MTFR1: variants seen among roughly 807,000 people sequenced by gnomAD.
MTFR1 encodes chondrocyte protein with a poly-proline region.
Under a neutral mutation model 38.8 loss-of-function variants are expected in MTFR1, and 28 were observed. The observed-to-expected ratio is 0.72, with a 90% confidence interval of 0.53 to 0.99. The LOEUF is 0.99. Ranked by LOEUF, MTFR1 falls within the 50% of genes least tolerant of loss-of-function variation. MTFR1 has a pLI of 0.00. For synonymous variants in MTFR1, 145 were observed against 137.0 expected (o/e 1.06, Z -0.41); for missense variants, 358 against 395.5 (o/e 0.91, Z 0.81).
chr8:65,666,863 TC>T (rs922725960), intron 1 of MTFR1, among the ~76,000 whole-genome samples: 2 of 152,164 alleles, frequency 1.3e-5, no homozygotes, highest in East Asian at 1.9e-4. Flanking sequence ...TCTTTTACAC[TC>T]CCTGGCACCA....
intron 3 of MTFR1, among the ~76,000 whole-genome samples, chr8:65,757,786 CTT>C (rs909314506): frequency 1.1e-4 from 17 of 151,942 alleles, no homozygotes; most frequent in Non-Finnish European, 2.4e-4. Flanking sequence ...GCCCGGCTAA[CTT>C]TTGCATTTTT....
chr8:65,688,175 T>C (rs939481448), intron 3 of MTFR1, among the ~76,000 whole-genome samples: 1 of 144,962 alleles, frequency 6.9e-6, no homozygotes, highest in East Asian at 2.1e-4. Flanking sequence ...CTGAGGCAGG[T>C]GGATTACTTG....
chr8:65,773,216 C>A (rs1464223053), downstream of MTFR1, among the ~76,000 whole-genome samples: 1 of 152,014 alleles, frequency 6.6e-6, no homozygotes, highest in East Asian at 1.9e-4. Context: ...AAAAGAATTC[C>A]AAGCTGTGTG....
downstream of MTFR1, among the ~76,000 whole-genome samples, chr8:65,771,807 G>C (rs1809098047): frequency 1.3e-5 from 2 of 149,944 alleles, no homozygotes; most frequent in Admixed American, 1.3e-4. Context: ...CCTGGAAGGT[G>C]GAGGCTGCAG....
chr8:65,778,530 T>A, the MTFR1 span, among the ~76,000 whole-genome samples: 1 of 152,190 alleles, frequency 6.6e-6, no homozygotes, highest in Non-Finnish European at 1.5e-5. Flanking sequence ...CCAAACTTGA[T>A]ATATACCCTG....
chr8:65,726,460 C>T (rs1319445138), intron 3 of MTFR1, among the ~76,000 whole-genome samples: 2 of 152,108 alleles, frequency 1.3e-5, no homozygotes, highest in Non-Finnish European at 2.9e-5. Context: ...GTTTTGAAAA[C>T]TTCTGGGAAC....
intron 3 of MTFR1, chr8:65,724,730 TC>T: frequency 4.0e-6 from 6 of 1,484,842 alleles, no homozygotes; most frequent in Non-Finnish European, 5.5e-6. Context: ...AGTTTGACAG[TC>T]ACATAATTTA....
rs11342419 is a variant in MTFR1, at chr8:65,765,488, C to CAAAAAAAAAA, written c.*49-5436_*49-5427dup. The CAAAAAAAAAA allele has an allele frequency of 6.7e-4, 30 of 44,614 alleles. 1 individual carries two copies. Among genetic ancestry groups the CAAAAAAAAAA allele is most frequent in the Non-Finnish European group, 8.7e-4 (23 of 26,422 alleles). The allele number at this position is 44,614 out of a possible 1,614,324, so 2.8% of individuals were successfully genotyped here. A position where few individuals can be genotyped will look rare whatever the true frequency, so the allele number is the denominator to read the frequency against. ...TGGGCGACAGAGCGAGACTCCGTCT[C>CAAAAAAAAAA]AAAAAAAAAAAAAAAAAAAAAAAAA... is the stretch of plus-strand genomic sequence containing the variant. On this transcript the variant is annotated intron_variant, in intron 3 of 3. Transcript: ENST00000521247.
chr8:65,760,498 T>C (rs1460151911), intron 3 of MTFR1, among the ~76,000 whole-genome samples: 1 of 152,198 alleles, frequency 6.6e-6, no homozygotes, highest in East Asian at 1.9e-4. Context: ...TGCACTTCAA[T>C]AGTGTCTAAA....
intron 2 of MTFR1, among the ~76,000 whole-genome samples, chr8:65,673,023 A>G (rs1158159023): frequency 6.6e-6 from 1 of 152,172 alleles, no homozygotes; most frequent in Non-Finnish European, 1.5e-5. Context: ...CTTTGCATTC[A>G]CAACTTGGCT....
intron 5 of MTFR1, among the ~76,000 whole-genome samples, chr8:65,705,832 G>A (rs540100647): frequency 2.6e-5 from 4 of 152,334 alleles, no homozygotes; most frequent in African/African-American, 9.6e-5. Flanking sequence ...AGTAGAACCT[G>A]AATTCAAGTC....
downstream of MTFR1, among the ~76,000 whole-genome samples, chr8:65,713,491 A>C (rs1210985889): frequency 7.0e-6 from 1 of 143,114 alleles, no homozygotes; most frequent in Admixed American, 7.3e-5. Context: ...CACAAACAAA[A>C]CAAAAACAAA....
At chr8:65,708,192 T>A in intron 7 of MTFR1, 181 bp downstream of exon 7, 1 of 1,216,178 alleles carries the variant, frequency 8.2e-7, no homozygotes, top group Non-Finnish European at 1.1e-6. Context: ...CATCTTTGCT[T>A]AGCATTTACA....
rs1018304972 is a variant in MTFR1 at position 65,706,940 on chromosome 8, G to T, written c.518-70G>T. On this transcript the variant is annotated intron_variant, in intron 5 of 7. Transcript: ENST00000262146. ...GTACAAAAATCTTTAACATCATTTT[G>T]CTTTTAAAAACTGATATTTTCTTTG... 3.7e-5 allele frequency: 55 copies of T among 1,490,988 alleles called. No homozygotes were observed. The African/African-American group carries it at 7.3e-4, about 20-fold the overall frequency. The allele number at this position is 1,490,988 out of a possible 1,614,324, so 92.4% of individuals were successfully genotyped here. A position where few individuals can be genotyped will look rare whatever the true frequency, so the allele number is the denominator to read the frequency against.
At chr8:65,730,085 G>C (rs1329836264) in intron 3 of MTFR1, among the ~76,000 whole-genome samples, 1 of 150,806 alleles carries the variant, frequency 6.6e-6, no homozygotes, top group Non-Finnish European at 1.5e-5. Flanking sequence ...ATTATTGCCT[G>C]AGCTCTGCCT....
chr8:65,777,618 C>T, the MTFR1 span, among the ~76,000 whole-genome samples: 16 of 152,208 alleles, frequency 1.1e-4, no homozygotes, highest in South Asian at 8.3e-4. Flanking sequence ...GCTAGCCTTA[C>T]GTAACAAATT....
chr8:65,652,562 A>C (rs912767026), intron 1 of MTFR1, among the ~76,000 whole-genome samples: 4 of 152,164 alleles, frequency 2.6e-5, no homozygotes, highest in African/African-American at 9.7e-5. Context: ...TTTTCATTGT[A>C]GATATCTTTC....
intron 2 of MTFR1, chr8:65,679,589 C>G (rs951058672): frequency 3.3e-5 from 5 of 152,246 alleles, no homozygotes; most frequent in Non-Finnish European, 5.9e-5. Flanking sequence ...TGCTCCACTT[C>G]ACTCCAGCCT....
At chr8:65,735,220 G>A (rs1020984496) in intron 3 of MTFR1, among the ~76,000 whole-genome samples, 4 of 152,152 alleles carry the variant, frequency 2.6e-5, no homozygotes, top group Non-Finnish European at 5.9e-5. Flanking sequence ...CTGTGATGGG[G>A]AAACACAATC....
Sources: gnomAD v4.1 joint callset for allele counts (sites outside exome capture counted in the v4.1 genomes callset) on GRCh38, gnomAD v4.1.1 for gene constraint, MANE v1.5 for transcripts, NCBI Gene and HGNC (gene_info 2026-07-23, HGNC 2026-07-21) for gene names.